The following LDLRAD4 variants were observed in gnomAD, a reference collection of about 807,000 sequenced individuals.
LDLRAD4 encodes the protein low-density lipoprotein receptor class A domain-containing protein 4.
In LDLRAD4, 5 loss-of-function variants were observed where a neutral mutation model predicts 17.0. That is an observed-to-expected ratio of 0.29 (90% CI 0.15 to 0.62). The LOEUF (loss-of-function observed/expected upper bound fraction) is 0.62. Ranked by LOEUF, LDLRAD4 falls within the 20% of genes least tolerant of loss-of-function variation. The pLI, the probability that LDLRAD4 is intolerant of heterozygous loss-of-function variation, is 0.84. For synonymous variants in LDLRAD4, 168 were observed against 171.8 expected (o/e 0.98, Z 0.17); for missense variants, 340 against 424.7 (o/e 0.80, Z 1.75).
chr18:13,432,866 G>A (rs904692925), intron 2 of LDLRAD4, among the ~76,000 whole-genome samples: 15 of 152,140 alleles, frequency 9.9e-5, no homozygotes, highest in African/African-American at 3.6e-4. Flanking sequence ...ATAGGCACAT[G>A]CCACCAAGCT....
intron 1 of LDLRAD4, among the ~76,000 whole-genome samples, chr18:13,314,904 T>C (rs959393521): frequency 2.6e-5 from 4 of 152,188 alleles, no homozygotes; most frequent in African/African-American, 7.2e-5. Flanking sequence ...ATTATTGTTG[T>C]TGTTGTTGTA....
chr18:13,280,632 C>A (rs765768891), intron 1 of LDLRAD4, among the ~76,000 whole-genome samples: 1 of 152,162 alleles, frequency 6.6e-6, no homozygotes, highest in African/African-American at 2.4e-5. Flanking sequence ...GCAAAGAAAT[C>A]GTTAATTCAG....
chr18:13,584,292 T>C (rs1190697707), intron 3 of LDLRAD4, among the ~76,000 whole-genome samples: 2 of 152,244 alleles, frequency 1.3e-5, no homozygotes, highest in East Asian at 1.9e-4. Context: ...ATCTGACTAA[T>C]TATTACTTAT....
chr18:13,388,297 C>T lies in LDLRAD4; in HGVS notation c.40+535C>T, dbSNP rs146274502. 3.2e-4 allele frequency among the ~76,000 whole-genome samples: 48 copies of T among 152,334 alleles called. No individual in the cohort carries two copies. The East Asian group carries it at 7.3e-3, about 23-fold the overall frequency. ...GCCCTGGCTGGCAGTTTGTAGGGAA[C>T]CACACAGTCTGGCTGGTGCCCAGAG... On this transcript the variant is annotated intron_variant, in intron 2 of 5. Transcript: ENST00000359446.
At chr18:13,224,458 G>GTTTC (rs1555621185) in intron 1 of LDLRAD4, among the ~76,000 whole-genome samples, 4 of 134,134 alleles carry the variant, frequency 3.0e-5, no homozygotes, top group East Asian at 2.3e-4. Flanking sequence ...GAGCACTATA[G>GTTTC]TTTCTTTCTT....
At chr18:13,422,393 T>C (rs2089553893) in intron 2 of LDLRAD4, among the ~76,000 whole-genome samples, 1 of 152,220 alleles carries the variant, frequency 6.6e-6, no homozygotes, top group South Asian at 2.1e-4. Flanking sequence ...CCTGCAAATA[T>C]ATGCTTGTTA....
chr18:13,330,860 A>G (rs2081822062), intron 1 of LDLRAD4, among the ~76,000 whole-genome samples: 1 of 152,144 alleles, frequency 6.6e-6, no homozygotes, highest in African/African-American at 2.4e-5. Context: ...CCAGTGGCCA[A>G]TGATGTAATC....
At chr18:13,629,558 C>T (rs1047633605) in intron 4 of LDLRAD4, among the ~76,000 whole-genome samples, 35 of 152,164 alleles carry the variant, frequency 2.3e-4, no homozygotes, top group Admixed American at 2.2e-3. Flanking sequence ...ATGCTAAAGG[C>T]AGTAATGTTC....
At chr18:13,605,845 A>T (rs2095217833) in intron 3 of LDLRAD4, among the ~76,000 whole-genome samples, 1 of 152,136 alleles carries the variant, frequency 6.6e-6, no homozygotes, top group Admixed American at 6.5e-5. Flanking sequence ...CGGCTTGCTC[A>T]TTTCATCCAG....
At chr18:13,277,402 C>T (rs76666374), upstream of LDLRAD4, among the ~76,000 whole-genome samples, 2,404 of 152,324 alleles carry the variant, frequency 0.016, 59 homozygotes, top group African/African-American at 0.047. Context: ...CGAGGATACC[C>T]GGCGCTCCAC....
intron 4 of LDLRAD4, among the ~76,000 whole-genome samples, chr18:13,639,515 A>G (rs183471322): frequency 1.5e-4 from 23 of 152,346 alleles, no homozygotes; most frequent in African/African-American, 5.5e-4. Flanking sequence ...GCCTTGGTGG[A>G]ATGACCAGAG....
chr18:13,337,740 TAAAA>T (rs5823248), intron 1 of LDLRAD4, among the ~76,000 whole-genome samples: 1 of 135,748 alleles, frequency 7.4e-6, no homozygotes. Flanking sequence ...TTACAAAAAG[TAAAA>T]AAAAAAAAAA....
At chr18:13,361,464 CT>C (rs1219908601) in intron 1 of LDLRAD4, among the ~76,000 whole-genome samples, 1 of 152,180 alleles carries the variant, frequency 6.6e-6, no homozygotes, top group Non-Finnish European at 1.5e-5. Context: ...TTGCACCTCG[CT>C]TTGTTTGGTG....
intron 3 of LDLRAD4, among the ~76,000 whole-genome samples, chr18:13,540,820 G>C (rs2094270865): frequency 6.6e-6 from 1 of 152,194 alleles, no homozygotes; most frequent in Non-Finnish European, 1.5e-5. Context: ...TTATAAGATG[G>C]AAGGTTCTGG....
chr18:13,450,612 G>A (rs2091773022), intron 3 of LDLRAD4, among the ~76,000 whole-genome samples: 1 of 152,240 alleles, frequency 6.6e-6, no homozygotes, highest in South Asian at 2.1e-4. Context: ...GGTGACATGG[G>A]AGGGTGCAGT....
At chr18:13,243,824 C>G (rs1327491948) in intron 1 of LDLRAD4, among the ~76,000 whole-genome samples, 1 of 151,052 alleles carries the variant, frequency 6.6e-6, no homozygotes, top group Non-Finnish European at 1.5e-5. Context: ...ACCTACCCAT[C>G]CACCCATCCA....
At chr18:13,544,972 A>G (rs2094340269) in intron 3 of LDLRAD4, among the ~76,000 whole-genome samples, 1 of 148,518 alleles carries the variant, frequency 6.7e-6, no homozygotes, top group Admixed American at 6.8e-5. Context: ...AATTGAAAGT[A>G]TTATTAGAGA....
At chr18:13,281,465 T>C (rs763399019) in intron 1 of LDLRAD4, among the ~76,000 whole-genome samples, 1 of 151,306 alleles carries the variant, frequency 6.6e-6, no homozygotes, top group Non-Finnish European at 1.5e-5. Context: ...AGTTGTCATG[T>C]GAATGACCAT....
chr18:13,603,125 G>A (rs1464592503), intron 3 of LDLRAD4, among the ~76,000 whole-genome samples: 1 of 151,990 alleles, frequency 6.6e-6, no homozygotes, highest in East Asian at 1.9e-4. Flanking sequence ...TCTTTTTAGG[G>A]CCCAAGATAA....
Sources: allele counts gnomAD v4.1 joint callset (sites outside exome capture counted in the v4.1 genomes callset), GRCh38; gene constraint gnomAD v4.1.1; transcripts MANE v1.5; gene names NCBI Gene and HGNC (gene_info 2026-07-23, HGNC 2026-07-21).